Variants in APOL5 observed in about 807,000 individuals in gnomAD.
APOL5 encodes apolipoprotein L5, also known as apolipoprotein L, 5.
APOL5 carries 29 observed loss-of-function variants against 35.5 expected under a neutral mutation model. The ratio of observed to expected loss-of-function variants is 0.82; its 90% confidence interval spans 0.61 to 1.11. APOL5 has a LOEUF of 1.11. Among genes scored for constraint, APOL5 ranks in the 50% most tolerant of loss-of-function variants. APOL5 has a pLI of 0.00. For missense variants in APOL5, 514 were observed against 530.4 expected (o/e 0.97, Z 0.30); for synonymous variants, 188 against 200.2 (o/e 0.94, Z 0.51).
At chr22:35,727,509 C>T (rs772544979) in intron 3 of APOL5, among the ~76,000 whole-genome samples, 4 of 152,138 alleles carry the variant, frequency 2.6e-5, no homozygotes, top group Non-Finnish European at 5.9e-5. Context: ...GATAATTTGG[C>T]GGATAGGGGT....
chr22:35,711,607 C>CTTCCTTCCTTCT, the APOL5 span, among the ~76,000 whole-genome samples: 3 of 135,740 alleles, frequency 2.2e-5, no homozygotes, highest in South Asian at 5.3e-4. Flanking sequence ...TTTTTCCTTC[C>CTTCCTTCCTTCT]TTCCTTCCTT....
the APOL5 span, among the ~76,000 whole-genome samples, chr22:35,711,697 C>T: frequency 5.3e-4 from 76 of 142,560 alleles, no homozygotes; most frequent in Non-Finnish European, 8.7e-4. Flanking sequence ...CCTTCCCTCA[C>T]GGAGTTTTGC....
intron 2 of APOL5, 103 bp from the exon 3 acceptor site, chr22:35,726,108 A>C (rs766319542): frequency 7.4e-7 from 1 of 1,345,218 alleles, no homozygotes; most frequent in Non-Finnish European, 1.0e-6. Flanking sequence ...TAATTTCCCC[A>C]CTGTTAGAAT....
intron 2 of APOL5, among the ~76,000 whole-genome samples, 176 bp from the exon 3 acceptor site, chr22:35,726,035 C>T (rs965747717): frequency 9.9e-5 from 15 of 152,146 alleles, no homozygotes; most frequent in African/African-American, 2.9e-4. Context: ...GAAGAATGAA[C>T]GAGAACAGCT....
upstream of APOL5, among the ~76,000 whole-genome samples, chr22:35,716,350 G>A (rs1010027152): frequency 6.6e-6 from 1 of 152,154 alleles, no homozygotes; most frequent in African/African-American, 2.4e-5. Flanking sequence ...TCAGCTCACT[G>A]CAACCTCCGC....
chr22:35,726,060 A>C (rs1333773923), intron 2 of APOL5, 151 bp from the exon 3 acceptor site: 4 of 776,810 alleles, frequency 5.1e-6, no homozygotes, highest in Admixed American at 2.9e-5. Flanking sequence ...GGTTAGAAGC[A>C]AGATGAAGCC....
intron 1 of APOL5, among the ~76,000 whole-genome samples, chr22:35,719,832 C>T (rs1926898377): frequency 1.3e-5 from 2 of 152,188 alleles, no homozygotes; most frequent in Non-Finnish European, 2.9e-5. Context: ...CCTAGTATGC[C>T]AGAAAAATTG....
chr22:35,710,935 C>T, the APOL5 span, among the ~76,000 whole-genome samples: 1 of 152,146 alleles, frequency 6.6e-6, no homozygotes, highest in African/African-American at 2.4e-5. Context: ...GGGAGGCCAA[C>T]GTGGATGGAT....
At chr22:35,723,822 C>T (rs1927054378) in intron 2 of APOL5, among the ~76,000 whole-genome samples, 1 of 152,166 alleles carries the variant, frequency 6.6e-6, no homozygotes, top group Non-Finnish European at 1.5e-5. Flanking sequence ...ATTAGCCCGA[C>T]ATGGTGGTGC....
intron 1 of APOL5, among the ~76,000 whole-genome samples, chr22:35,718,786 A>T (rs1233773533): frequency 2.6e-5 from 4 of 152,116 alleles, no homozygotes; most frequent in Non-Finnish European, 5.9e-5. Flanking sequence ...GGCCAGGCAC[A>T]GCGGCTCATG....
upstream of APOL5, among the ~76,000 whole-genome samples, chr22:35,717,235 A>AATATATAT (rs1555930034): frequency 1.7e-3 from 97 of 57,636 alleles, 2 homozygotes; most frequent in African/African-American, 5.4e-3. Flanking sequence ...AAAAAAAAAA[A>AATATATAT]ATATATATAT....
upstream of APOL5, among the ~76,000 whole-genome samples, chr22:35,717,484 A>C (rs1156953636): frequency 1.3e-5 from 2 of 150,940 alleles, no homozygotes; most frequent in African/African-American, 4.9e-5. Context: ...TCACGCCTGT[A>C]ATCCCAGCAT....
chr22:35,712,435 C>T, the APOL5 span, among the ~76,000 whole-genome samples: 1 of 152,070 alleles, frequency 6.6e-6, no homozygotes, highest in Non-Finnish European at 1.5e-5. Flanking sequence ...CCAGGTTGGT[C>T]TTGAACTCCT....
chr22:35,724,594 ATTTATTTTATT>A (rs543044830), intron 2 of APOL5, among the ~76,000 whole-genome samples: 196 of 151,942 alleles, frequency 1.3e-3, no homozygotes, highest in Non-Finnish European at 2.2e-3. Flanking sequence ...ATCCACATAC[ATTTATTTTATT>A]TTTATTTTAT....
At chr22:35,720,496 C>T (rs1238692313) in intron 1 of APOL5, 72 bp from the exon 2 acceptor site, 12 of 1,363,852 alleles carry the variant, frequency 8.8e-6, no homozygotes, top group East Asian at 4.6e-5. Context: ...CCAACTTTCC[C>T]GGAGCACTGT....
chr22:35,724,440 T>C (rs1927081966), intron 2 of APOL5, among the ~76,000 whole-genome samples: 1 of 151,666 alleles, frequency 6.6e-6, no homozygotes, highest in Non-Finnish European at 1.5e-5. Flanking sequence ...ACACTCTTGG[T>C]ACTGTTTTTT....
At position 35,726,227 on chromosome 22, in the gene APOL5, G is replaced by C; in HGVS notation, c.159G>C (p.Leu53=). 6.2e-7 allele frequency: 1 copy of C among 1,610,920 alleles called. No individual in the cohort carries two copies. Among genetic ancestry groups the C allele is most frequent in the Non-Finnish European group, 8.5e-7 (1 of 1,177,216 alleles). The change falls in exon 3 of 5, where the codon CTG becomes CTC. Residue 53 remains leucine (L), a synonymous_variant. Transcript: ENST00000249044. ...TGTCTTTAGCCTCACTCGTGAACCT[G>C]TGCCAGAGTTGGAAAATTAACAATT... is the stretch of plus-strand genomic sequence containing the variant. ...PEPEFPSLVN[L]CQSWKINNLM... is the part of the protein sequence containing the mutation.
At position 35,726,744 on chromosome 22, in the gene APOL5, G is replaced by A. The variant is rs144692919; in HGVS notation, c.676G>A (p.Ala226Thr). 158 of 1,614,254 alleles carry A rather than the reference G, an allele frequency of 9.8e-5. 1 individual carries two copies. In the African/African-American group the frequency reaches 1.8e-3, roughly 19 times the overall value. Residue 226 changes from alanine (A) to threonine (T), a missense_variant, in exon 3 of 5, where the codon GCT becomes ACT. Coordinates refer to ENST00000249044, the MANE Select transcript of APOL5 (RefSeq NM_030642.1). ...GGINWSEIEA[A>T]GFCVNKCVKA... ...AATAAATTGGTCTGAAATCGAGGCTGCTGGCTTTTGTGTTAATAAGTGTGT... is the reference window on the plus strand; with the variant it reads ...AATAAATTGGTCTGAAATCGAGGCTACTGGCTTTTGTGTTAATAAGTGTGT...
chr22:35,719,199 A>T (rs1336025426), intron 1 of APOL5, among the ~76,000 whole-genome samples: 1 of 152,192 alleles, frequency 6.6e-6, no homozygotes, highest in Non-Finnish European at 1.5e-5. Flanking sequence ...CAGGAGAACT[A>T]GGGGTGATTT....
Sources: gnomAD v4.1 joint callset for allele counts (sites outside exome capture counted in the v4.1 genomes callset) on GRCh38, gnomAD v4.1.1 for gene constraint, MANE v1.5 for transcripts, NCBI Gene and HGNC (gene_info 2026-07-23, HGNC 2026-07-21) for gene names.